Variants in CDAN1 observed in about 807,000 individuals in gnomAD.
CDAN1 encodes codanin-1.
In CDAN1, 107 loss-of-function variants were observed where a neutral mutation model predicts 139.8. That is an observed-to-expected ratio of 0.77 (90% confidence interval 0.65 to 0.90). The LOEUF (loss-of-function observed/expected upper bound fraction) is 0.90, where lower values mean the gene tolerates loss of function less well. CDAN1 is among the 40% of genes least tolerant of loss of function. CDAN1 has a pLI of 0.00. For synonymous variants in CDAN1, 776 were observed against 660.6 expected, an observed-to-expected ratio of 1.17 and a Z score of -2.68; for missense variants, 1,667 against 1,575.7, an observed-to-expected ratio of 1.06 and a Z score of -0.98.
At chr15:42,730,797 T>C in intron 13 of CDAN1, 33 bp from the exon 14 acceptor site, 2 of 1,612,714 alleles carry the variant, frequency 1.2e-6, no homozygotes, top group Non-Finnish European at 8.5e-7. Flanking sequence ...AGGGGGCAGG[T>C]CCCTAGGAAG....
rs537036940 is a variant in CDAN1 at position 42,723,564 on chromosome 15, A to G, written c.*927T>C. 67 of 152,280 alleles carry G rather than the reference A, an allele frequency of 4.4e-4. No individual in the cohort carries two copies. The highest frequency in any genetic ancestry group is 1.2e-3 in the African/African-American group (51 of 41,560). 9.4% of individuals were successfully genotyped at this position (152,280 alleles called of 1,614,324 possible). A position where few individuals can be genotyped will look rare whatever the true frequency, so the allele number is the denominator to read the frequency against. ...AATGATTAGACATCAAGCCCTTGTT[A>G]AAGAAAACCAGTTTATTCTAAAAAG... On this transcript the variant is annotated 3_prime_UTR_variant, in exon 28 of 28. Transcript: ENST00000356231.
rs1479794397 is a variant in CDAN1 at position 42,735,159 on chromosome 15, C to T, written c.1077G>A (p.Leu359=). 6.2e-7 allele frequency: 1 copy of T among 1,613,630 alleles called. No homozygotes were observed. The highest frequency in any genetic ancestry group is 8.5e-7 in the Non-Finnish European group (1 of 1,179,672). The part of the protein sequence containing the change: ...PAVLDSLESP[L]FQSIHDCVFF... ...AGACACAATCGTGGATGCTTTGGAA[C>T]AGTGGACTTTCCAGGGAATCTAGAA... The change falls in exon 6 of 28, where the codon CTG becomes CTA. Residue 359 remains leucine, a synonymous_variant. Transcript: ENST00000356231.
chr15:42,728,129 C>T lies in CDAN1; in HGVS notation c.2868+75G>A, dbSNP rs1332360187. The T allele has an allele frequency of 1.9e-6, 3 of 1,590,998 alleles. No homozygotes were observed. In the African/African-American group the frequency reaches 4.0e-5, roughly 21 times the overall value. On this transcript the variant is annotated intron_variant, in intron 21 of 27. Transcript: ENST00000356231. ...ACTGACCCCGCCCCCACACACCCTC[C>T]CGCAGCCTCAGACTACTCCGTGCAC...
intron 20 of CDAN1, 102 bp from the exon 21 acceptor site, chr15:42,728,369 C>G: frequency 7.3e-7 from 1 of 1,365,252 alleles, no homozygotes; most frequent in Non-Finnish European, 1.0e-6. Flanking sequence ...GAGGCTGTAC[C>G]TTGGAAGGAG....
chr15:42,736,934 G>A (rs1357208310), intron 1 of CDAN1, 79 bp downstream of exon 1: 1 of 1,484,314 alleles, frequency 6.7e-7, no homozygotes, highest in East Asian at 2.8e-5. Flanking sequence ...AGGCGCCCTA[G>A]AGGAAGGGGA....
rs184660154 is a variant in CDAN1, at chr15:42,725,197, G to A, written c.3505C>T (p.Arg1169Trp). The A allele has an allele frequency of 7.5e-5, 121 of 1,614,168 alleles. No homozygotes were observed. The highest frequency in any genetic ancestry group is 6.6e-4 in the Middle Eastern group (4 of 6,062). Reference protein sequence around the residue: ...RELVEKGLMGRMEIEACLGSL... With the variant: ...RELVEKGLMGWMEIEACLGSL... Reference sequence around the variant, plus strand: ...CCCAGGCAGGCCTCTATCTCCATCCGTCCCATCAGACCCTTCTCCACCAGC... The same window carrying A: ...CCCAGGCAGGCCTCTATCTCCATCCATCCCATCAGACCCTTCTCCACCAGC... The change falls in exon 27 of 28, where the codon CGG becomes TGG. Residue 1169 changes from arginine to tryptophan, a missense_variant. Physicochemically the swap from Arg to Trp is moderately radical, Grantham distance 101. Around this residue, in one of 3 missense-constraint regions of CDAN1, gnomAD observed 936 missense variants for 844.1 expected, o/e 1.11. Coordinates refer to ENST00000356231, the MANE Select transcript of CDAN1 (RefSeq NM_138477.4).
rs1566989202 is a variant in CDAN1, at chr15:42,735,807, T to G, written c.773+68A>C. On this transcript the variant is annotated intron_variant, in intron 3 of 27. Transcript: ENST00000356231. ...AGAGTCCCCAAGAGGGAAATCAATT[T>G]CAGGGAAAACCCCTGAAGATCCCCC... 1.3e-5 allele frequency: 21 copies of G among 1,599,964 alleles called. No individual in the cohort carries two copies. The Admixed American group carries it at 3.5e-4, about 27-fold the overall frequency.
rs1007382678 is a variant in CDAN1, at chr15:42,736,355, G to C, written c.516C>G (p.Leu172=). The change falls in exon 2 of 28, where the codon CTC becomes CTG. Residue 172 remains leucine, a synonymous_variant. Coordinates refer to ENST00000356231, the MANE Select transcript of CDAN1 (RefSeq NM_138477.4). ...CGGGAGGGAACTCCTCCAGGTTGCTGAGGTTTGGCGGATCAGACAGCGTGA... is the reference window on the plus strand; with the variant it reads ...CGGGAGGGAACTCCTCCAGGTTGCTCAGGTTTGGCGGATCAGACAGCGTGA... The part of the protein sequence containing the change: ...PSLTLSDPPN[L]SNLEEFPPVG... 1 of 1,613,964 alleles carries C rather than the reference G, an allele frequency of 6.2e-7. No homozygotes were observed.
chr15:42,730,697 G>A lies in CDAN1; in HGVS notation c.2075C>T (p.Thr692Ile), dbSNP rs754659099. The change falls in exon 14 of 28, where the codon ACC (threonine) becomes ATC (isoleucine). Residue 692 changes from threonine to isoleucine, a missense_variant. By Grantham distance (89) the Thr-to-Ile change is moderately conservative. Coordinates refer to ENST00000356231, the MANE Select transcript of CDAN1 (RefSeq NM_138477.4). ...GAGAAACTCCACCAGCCAGGGCACG[G>A]TGAGCACCGCCCGGCGGGCCTGCAG... is the stretch of plus-strand genomic sequence containing the variant. ...RGLQARRAVL[T>I]VPWLVEFLSF... The A allele has an allele frequency of 1.9e-6, 3 of 1,613,910 alleles. No homozygotes were observed. Among genetic ancestry groups the A allele is most frequent in the South Asian group, 1.1e-5 (1 of 91,052 alleles).
chr15:42,730,206 C>T lies in CDAN1; in HGVS notation c.2184G>A (p.Val728=), dbSNP rs371610856. 1.9e-6 allele frequency: 3 copies of T among 1,613,998 alleles called. No individual in the cohort carries two copies. The African/African-American group carries it at 4.0e-5, about 22-fold the overall frequency. ...TLLLRLHRSL[V]LSQESEGKMC... ...TCTTCCCCTCACTCTCCTGCGACAA[C>T]ACCAAGCTCCTGAAACATCAATGGG... The change falls in exon 15 of 28, where the codon GTG becomes GTA. Residue 728 remains valine (V), a synonymous_variant. Transcript: ENST00000356231.
intron 6 of CDAN1, 52 bp downstream of exon 6, chr15:42,735,048 G>T: frequency 7.8e-7 from 1 of 1,278,686 alleles, no homozygotes; most frequent in Non-Finnish European, 1.1e-6. Context: ...CAGCCAGAGA[G>T]CTAAGCAGAT....
intron 26 of CDAN1, 90 bp downstream of exon 26, chr15:42,725,399 T>TA (rs2061511053): frequency 1.3e-6 from 2 of 1,542,464 alleles, no homozygotes; most frequent in African/African-American, 2.7e-5. Context: ...GAAGGGGAAA[T>TA]AAAGGATGCA....
At chr15:42,733,010 A>C (rs2061635668) in intron 9 of CDAN1, 87 bp downstream of exon 9, 7 of 1,050,726 alleles carry the variant, frequency 6.7e-6, no homozygotes, top group Non-Finnish European at 1.0e-5. Context: ...GAGCGGGGAA[A>C]ACCTTCCCTC....
chr15:42,728,975 G>C (rs1203519432), intron 19 of CDAN1, 48 bp downstream of exon 19: 2 of 1,599,818 alleles, frequency 1.3e-6, no homozygotes, highest in African/African-American at 1.3e-5. Flanking sequence ...AGGAAAAAGG[G>C]GAAAAAATGG....
At chr15:42,736,916 T>G in intron 1 of CDAN1, 97 bp downstream of exon 1, 1 of 1,474,912 alleles carries the variant, frequency 6.8e-7, no homozygotes, top group Non-Finnish European at 9.0e-7. Context: ...TCGGCCCGGC[T>G]GGCAGCCAGG....
chr15:42,729,163 AG>A (rs956790709), intron 18 of CDAN1, 37 bp from the exon 19 acceptor site: 3 of 1,613,266 alleles, frequency 1.9e-6, no homozygotes, highest in Non-Finnish European at 2.5e-6. Flanking sequence ...GGCTTCCTCC[AG>A]CCTCCCTGTC....
rs375347850 is a variant in CDAN1, at chr15:42,737,037, G to C, written c.66C>G (p.Ile22Met). The C allele has an allele frequency of 6.5e-7, 1 of 1,547,128 alleles. No individual in the cohort carries two copies. Among genetic ancestry groups the C allele is most frequent in the South Asian group, 1.2e-5 (1 of 83,568 alleles). ...CCTCCGAACCCTGGGTGCTGCGCGC[G>C]ATCCACCGCACGACGGCTGCGACCG... ...EVSVAAVVRW[I>M]ARSTQGSEDN... The change falls in exon 1 of 28, where the codon ATC (isoleucine) becomes ATG (methionine). Residue 22 changes from isoleucine (I) to methionine (M), a missense_variant. Ile to Met is a conservative substitution (Grantham distance 10, BLOSUM62 1). This residue lies in a region of CDAN1 where 487 missense variants were observed against 422.2 expected (regional missense o/e 1.15). Transcript: ENST00000356231.
chr15:42,733,289 T>C (rs1214097375), intron 8 of CDAN1, 103 bp from the exon 9 acceptor site: 13 of 923,098 alleles, frequency 1.4e-5, no homozygotes, highest in Non-Finnish European at 3.5e-6. Context: ...TTTTTTTTTT[T>C]TGGAGATGGA....
chr15:42,724,835 T>C, intron 27 of CDAN1: 1 of 633,978 alleles, frequency 1.6e-6, no homozygotes, highest in Non-Finnish European at 2.8e-6. Flanking sequence ...TTGACCAGTT[T>C]TTGAGTACTA....
Sources: allele counts gnomAD v4.1 joint callset, GRCh38; gene constraint gnomAD v4.1.1; regional missense constraint gnomAD v4.1.1; transcripts MANE v1.5; gene names NCBI Gene and HGNC (gene_info 2026-07-23, HGNC 2026-07-21).